SULF2: variants seen among roughly 807,000 people sequenced by gnomAD.
The protein encoded by SULF2 is sulfatase 2, also known as extracellular sulfatase Sulf-2.
Under a neutral mutation model 107.7 loss-of-function variants are expected in SULF2, and 52 were observed. The observed-to-expected ratio is 0.48, with a 90% CI of 0.39 to 0.61. The LOEUF (loss-of-function observed/expected upper bound fraction) is 0.61. Among genes scored for constraint, SULF2 ranks in the 20% least tolerant of loss-of-function variants. SULF2 has a pLI of 0.00. For missense variants in SULF2, 993 were observed against 1,177.3 expected (o/e 0.84, Z 2.29); for synonymous variants, 460 against 464.3 (o/e 0.99, Z 0.12).
At chr20:47,785,643 G>A (rs1328854458), upstream of SULF2, among the ~76,000 whole-genome samples, 3 of 145,946 alleles carry the variant, frequency 2.1e-5, no homozygotes, top group Non-Finnish European at 3.0e-5. Flanking sequence ...GGCCGGCCAC[G>A]CTGCCCCAGC....
At chr20:47,704,333 C>T (rs1160259774) in intron 3 of SULF2, among the ~76,000 whole-genome samples, 1 of 151,944 alleles carries the variant, frequency 6.6e-6, no homozygotes, top group East Asian at 1.9e-4. Context: ...AGTGTAGTGG[C>T]ACCATCACGG....
chr20:47,780,216 C>T (rs1332066965), intron 1 of SULF2, among the ~76,000 whole-genome samples: 2 of 151,954 alleles, frequency 1.3e-5, no homozygotes, highest in African/African-American at 4.8e-5. Flanking sequence ...GAGGTTTCAC[C>T]GTGTTGGTCA....
At chr20:47,711,402 C>A (rs1013481721) in intron 3 of SULF2, among the ~76,000 whole-genome samples, 3 of 152,238 alleles carry the variant, frequency 2.0e-5, no homozygotes, top group Admixed American at 2.0e-4. Context: ...CGTGGATGAA[C>A]TGACAGGCAT....
chr20:47,727,231 G>T (rs1399929647), intron 3 of SULF2, among the ~76,000 whole-genome samples: 1 of 152,172 alleles, frequency 6.6e-6, no homozygotes, highest in Non-Finnish European at 1.5e-5. Flanking sequence ...TCCAATCACT[G>T]GTGTCCTGAC....
At chr20:47,760,043 G>C (rs2090384316) in intron 1 of SULF2, among the ~76,000 whole-genome samples, 1 of 152,226 alleles carries the variant, frequency 6.6e-6, no homozygotes, top group Non-Finnish European at 1.5e-5. Context: ...AGTGAGGGAA[G>C]CTGGACTTGG....
At chr20:47,675,329 C>A (rs1169163513) in intron 10 of SULF2, among the ~76,000 whole-genome samples, 1 of 152,184 alleles carries the variant, frequency 6.6e-6, no homozygotes, top group Non-Finnish European at 1.5e-5. Flanking sequence ...TGTGGCCCTG[C>A]GCCTAGGACA....
At chr20:47,711,640 TAA>T (rs1173517540) in intron 3 of SULF2, among the ~76,000 whole-genome samples, 1 of 152,254 alleles carries the variant, frequency 6.6e-6, no homozygotes, top group Non-Finnish European at 1.5e-5. Flanking sequence ...AACAGCTCTC[TAA>T]GAGTCCAAAT....
intron 11 of SULF2, among the ~76,000 whole-genome samples, chr20:47,671,416 C>T (rs987433574): frequency 6.6e-6 from 1 of 152,124 alleles, no homozygotes; most frequent in African/African-American, 2.4e-5. Flanking sequence ...AGCGACTCTG[C>T]TGCCACACCA....
intron 2 of SULF2, among the ~76,000 whole-genome samples, chr20:47,754,890 C>G (rs1249973347): frequency 6.6e-6 from 1 of 152,164 alleles, no homozygotes; most frequent in African/African-American, 2.4e-5. Flanking sequence ...GGCTAGAGAA[C>G]AGTGGTGTGA....
chr20:47,727,833 T>C (rs1052833970), intron 3 of SULF2, among the ~76,000 whole-genome samples: 2 of 152,240 alleles, frequency 1.3e-5, no homozygotes, highest in African/African-American at 4.8e-5. Flanking sequence ...AGGCGGAGTC[T>C]AATTCTTTAG....
At chr20:47,697,986 G>A (rs970064188) in intron 4 of SULF2, among the ~76,000 whole-genome samples, 6 of 152,186 alleles carry the variant, frequency 3.9e-5, no homozygotes, top group East Asian at 1.9e-4. Context: ...AGTCCATGCC[G>A]GACTGCCTCA....
At position 47,683,110 on chromosome 20, in the gene SULF2, G is replaced by A. The variant is rs1377034553; in HGVS notation, c.948C>T (p.Ala316=). ...ACTGGCCGATGTGGTAACCGTGGTC[G>A]GCGGTGTATACGATGTACGTGTTGT... ...ELDNTYIVYT[A]DHGYHIGQFG... is the part of the protein sequence containing the mutation. The change falls in exon 7 of 21, where the codon GCC becomes GCT. Residue 316 remains alanine, a synonymous_variant. Coordinates refer to ENST00000688720, the MANE Select transcript of SULF2 (RefSeq NM_001387048.1). 1.1e-5 allele frequency: 18 copies of A among 1,613,512 alleles called. No homozygotes were observed. Among genetic ancestry groups the A allele is most frequent in the East Asian group, 2.2e-5 (1 of 44,886 alleles).
At chr20:47,723,169 G>A (rs1342351662) in intron 3 of SULF2, among the ~76,000 whole-genome samples, 1 of 152,092 alleles carries the variant, frequency 6.6e-6, no homozygotes, top group Non-Finnish European at 1.5e-5. Flanking sequence ...GCTTGAACCT[G>A]GGAGTTGGAG....
chr20:47,779,705 C>G (rs900418732), intron 1 of SULF2, among the ~76,000 whole-genome samples: 5 of 152,206 alleles, frequency 3.3e-5, no homozygotes, highest in Admixed American at 2.6e-4. Context: ...CTCCTGGGTT[C>G]AAACGATTCT....
At chr20:47,761,177 C>T (rs540913274) in intron 1 of SULF2, among the ~76,000 whole-genome samples, 1 of 152,326 alleles carries the variant, frequency 6.6e-6, no homozygotes, top group African/African-American at 2.4e-5. Context: ...TCTCCTTCAA[C>T]CTCCACCAAG....
intron 1 of SULF2, among the ~76,000 whole-genome samples, chr20:47,771,183 G>A (rs2090623846): frequency 6.6e-6 from 1 of 152,134 alleles, no homozygotes; most frequent in African/African-American, 2.4e-5. Flanking sequence ...CTGGGCGTTT[G>A]TGCTCACGTC....
intron 1 of SULF2, among the ~76,000 whole-genome samples, chr20:47,757,708 GTGAGCCTC>G (rs2090327076): frequency 6.6e-6 from 1 of 152,094 alleles, no homozygotes; most frequent in Admixed American, 6.5e-5. Context: ...CCTGGATCCA[GTGAGCCTC>G]TGATGTGTCG....
intron 1 of SULF2, among the ~76,000 whole-genome samples, chr20:47,774,580 G>C (rs1243424587): frequency 1.3e-5 from 2 of 152,218 alleles, no homozygotes; most frequent in East Asian, 3.9e-4. Flanking sequence ...CCTGGAGCTG[G>C]AGAAGCTGCC....
chr20:47,716,097 T>C (rs532162845), intron 3 of SULF2, among the ~76,000 whole-genome samples: 13 of 152,332 alleles, frequency 8.5e-5, no homozygotes, highest in African/African-American at 3.1e-4. Context: ...AGCAGTGCTT[T>C]TCAATATGGT....
Sources: allele counts gnomAD v4.1 joint callset (sites outside exome capture counted in the v4.1 genomes callset), GRCh38; gene constraint gnomAD v4.1.1; transcripts MANE v1.5; gene names NCBI Gene and HGNC (gene_info 2026-07-23, HGNC 2026-07-21).